Variants in GPC6 observed in about 807,000 individuals in gnomAD.
GPC6 encodes the protein glypican 6.
Under a neutral mutation model 55.2 loss-of-function variants are expected in GPC6, and 14 were observed. The observed-to-expected ratio is 0.25, with a 90% CI of 0.17 to 0.40. The LOEUF (loss-of-function observed/expected upper bound fraction) is 0.40, where lower values mean the gene tolerates loss of function less well. Ranked by LOEUF, GPC6 falls within the 10% of genes least tolerant of loss-of-function variation. The probability of loss-of-function intolerance (pLI) is 1.00; values close to 1 mark genes in which losing one functional copy is unlikely to be tolerated. For synonymous variants in GPC6, 278 were observed against 259.6 expected (o/e 1.07, Z -0.68); for missense variants, 641 against 708.5 (o/e 0.90, Z 1.08).
At chr13:93,857,310 C>A (rs1048214774) in intron 3 of GPC6, among the ~76,000 whole-genome samples, 1 of 151,492 alleles carries the variant, frequency 6.6e-6, no homozygotes, top group African/African-American at 2.4e-5. Flanking sequence ...ATAAAAATAT[C>A]AGAGGTGTTG....
At chr13:94,137,771 T>C (rs1210119995) in intron 4 of GPC6, among the ~76,000 whole-genome samples, 1 of 152,182 alleles carries the variant, frequency 6.6e-6, no homozygotes, top group African/African-American at 2.4e-5. Flanking sequence ...CAAAATGACC[T>C]ATTATTCAGG....
At chr13:93,661,630 A>T (rs901763142) in intron 2 of GPC6, among the ~76,000 whole-genome samples, 3 of 152,196 alleles carry the variant, frequency 2.0e-5, no homozygotes, top group Non-Finnish European at 4.4e-5. Flanking sequence ...AGGCTGAGTG[A>T]TAGGGTAATT....
intron 3 of GPC6, among the ~76,000 whole-genome samples, chr13:93,990,592 C>T (rs1251131004): frequency 6.6e-6 from 1 of 152,016 alleles, no homozygotes; most frequent in African/African-American, 2.4e-5. Flanking sequence ...TACAGTGGCT[C>T]ACACCTGTAG....
intron 1 of GPC6, among the ~76,000 whole-genome samples, chr13:93,366,987 CT>C (rs1398733568): frequency 2.0e-5 from 3 of 152,062 alleles, no homozygotes; most frequent in Non-Finnish European, 4.4e-5. Flanking sequence ...ACAGTGGACA[CT>C]ATTCTTAATG....
intron 3 of GPC6, among the ~76,000 whole-genome samples, chr13:94,001,657 A>G (rs992523337): frequency 6.6e-6 from 1 of 152,188 alleles, no homozygotes; most frequent in East Asian, 1.9e-4. Flanking sequence ...GAAAATCAAA[A>G]CAGGACCAAA....
At chr13:94,214,595 T>G (rs3891616) in intron 4 of GPC6, among the ~76,000 whole-genome samples, 26,623 of 152,096 alleles carry the variant, frequency 0.18, 2,701 homozygotes, top group East Asian at 0.42. Context: ...CAATGTTCCT[T>G]TTGGGTTATT....
At chr13:94,255,135 T>C (rs1036078194) in intron 4 of GPC6, among the ~76,000 whole-genome samples, 1 of 152,184 alleles carries the variant, frequency 6.6e-6, no homozygotes, top group African/African-American at 2.4e-5. Flanking sequence ...ATCCCAGCCA[T>C]GTCCAAGCTG....
chr13:94,152,709 C>T (rs1887785852), intron 4 of GPC6, among the ~76,000 whole-genome samples: 1 of 152,046 alleles, frequency 6.6e-6, no homozygotes, highest in African/African-American at 2.4e-5. Context: ...CCCATCTCTT[C>T]AGTGCTGCAA....
chr13:94,171,059 C>T (rs1888551857), intron 4 of GPC6, among the ~76,000 whole-genome samples: 2 of 152,138 alleles, frequency 1.3e-5, no homozygotes, highest in African/African-American at 2.4e-5. Flanking sequence ...AGTGTTATTT[C>T]ATTGTCTTTG....
intron 1 of GPC6, among the ~76,000 whole-genome samples, chr13:93,480,638 C>T (rs909095260): frequency 6.6e-6 from 1 of 152,210 alleles, no homozygotes; most frequent in African/African-American, 2.4e-5. Context: ...CCTGTATCCA[C>T]TAGTGGTCAC....
chr13:94,390,664 C>T (rs776477637), intron 7 of GPC6, among the ~76,000 whole-genome samples: 8 of 152,194 alleles, frequency 5.3e-5, no homozygotes, highest in Non-Finnish European at 8.8e-5. Flanking sequence ...CACCATCACC[C>T]ATCTCCAACA....
intron 1 of GPC6, among the ~76,000 whole-genome samples, chr13:93,403,227 C>A (rs1876155513): frequency 6.6e-6 from 1 of 152,254 alleles, no homozygotes; most frequent in South Asian, 2.1e-4. Context: ...CAATAATATT[C>A]TCTCAAGCCA....
At chr13:94,149,873 G>A (rs1887679054) in intron 4 of GPC6, among the ~76,000 whole-genome samples, 1 of 152,010 alleles carries the variant, frequency 6.6e-6, no homozygotes, top group Admixed American at 6.6e-5. Flanking sequence ...TGACTTTTTT[G>A]AGGGTGTTTT....
At chr13:93,874,081 G>T (rs1321661848) in intron 3 of GPC6, among the ~76,000 whole-genome samples, 2 of 151,840 alleles carry the variant, frequency 1.3e-5, no homozygotes, top group African/African-American at 4.8e-5. Flanking sequence ...AGCTTCAGGG[G>T]TACATGTTCA....
At chr13:93,882,629 G>C (rs1875065325) in intron 3 of GPC6, among the ~76,000 whole-genome samples, 1 of 151,922 alleles carries the variant, frequency 6.6e-6, no homozygotes, top group Non-Finnish European at 1.5e-5. Flanking sequence ...TATGGGTTTT[G>C]ACAAATGCTT....
intron 1 of GPC6, among the ~76,000 whole-genome samples, chr13:93,278,156 T>C (rs1275816334): frequency 3.3e-5 from 5 of 152,214 alleles, no homozygotes; most frequent in African/African-American, 1.2e-4. Context: ...CAACAAGTGC[T>C]GCAGAGGGAA....
intron 1 of GPC6, among the ~76,000 whole-genome samples, chr13:93,469,866 A>G (rs56085911): frequency 0.25 from 37,327 of 152,048 alleles, 4,995 homozygotes; most frequent in Middle Eastern, 0.32. Flanking sequence ...CCATTTACTG[A>G]AAAGGGAATC....
intron 3 of GPC6, among the ~76,000 whole-genome samples, chr13:93,867,949 G>A (rs1045500435): frequency 6.6e-6 from 1 of 151,756 alleles, no homozygotes; most frequent in African/African-American, 2.4e-5. Context: ...GAGTTACACA[G>A]AGACGAGGTA....
Position 94,398,572 on chromosome 13 carries a change from G to A in GPC6, c.1396G>A (p.Ala466Thr). ...PDTFIRQQIM[A>T]LRVMTNKLKN... ...CACTTTCATCAGACAGCAGATTATG[G>A]CTCTCCGTGTGATGACCAACAAACT... The change falls in exon 8 of 9, where the codon GCT becomes ACT. Residue 466 changes from alanine (A) to threonine (T), a missense_variant. Ala to Thr is a moderately conservative substitution (Grantham distance 58, BLOSUM62 0). Coordinates refer to ENST00000377047, the MANE Select transcript of GPC6 (RefSeq NM_005708.5). The A allele has an allele frequency of 6.2e-7, 1 of 1,613,844 alleles. No homozygotes were observed. The highest frequency in any genetic ancestry group is 1.1e-5 in the South Asian group (1 of 91,066).
Sources: allele counts gnomAD v4.1 joint callset (sites outside exome capture counted in the v4.1 genomes callset), GRCh38; gene constraint gnomAD v4.1.1; transcripts MANE v1.5; gene names NCBI Gene and HGNC (gene_info 2026-07-23, HGNC 2026-07-21).